The following PLCB4 variants were observed in gnomAD, a reference collection of about 807,000 sequenced individuals.
PLCB4 encodes the protein 1-phosphatidylinositol 4,5-bisphosphate phosphodiesterase beta-4.
In PLCB4, 77 loss-of-function variants were observed where a neutral mutation model predicts 178.8. The ratio of observed to expected loss-of-function variants is 0.43; its 90% CI spans 0.36 to 0.52. The LOEUF (loss-of-function observed/expected upper bound fraction) is 0.52. PLCB4 is among the 20% of genes least tolerant of loss of function. PLCB4 has a pLI of 0.00. For synonymous variants in PLCB4, 496 were observed against 490.8 expected, an observed-to-expected ratio of 1.01 and a Z score of -0.14; for missense variants, 1,024 against 1,453.4, an observed-to-expected ratio of 0.70 and a Z score of 4.80.
At chr20:9,353,857 T>G (rs796804613) in intron 7 of PLCB4, among the ~76,000 whole-genome samples, 32 of 152,346 alleles carry the variant, frequency 2.1e-4, no homozygotes, top group African/African-American at 7.2e-4. Context: ...GAAGTAGACC[T>G]CTGTCTGGTT....
At chr20:9,384,562 A>C in intron 14 of PLCB4, 151 bp downstream of exon 14, 1 of 629,114 alleles carries the variant, frequency 1.6e-6, no homozygotes. Context: ...AACGTTGAGA[A>C]AAGAAGGACA....
In PLCB4 at chr20:9,408,009, G is replaced by A. The variant is rs1414322616; in HGVS notation, c.1740G>A (p.Met580Ile). ...TTNIHPYLST[M>I]INYAQPVKFQ... is the part of the protein sequence containing the mutation. ...ATATCCATCCATATTTGTCCACAAT[G>A]ATCAACTACGCCCAGCCTGTAAAGT... Residue 580 changes from methionine to isoleucine, a missense_variant, in exon 22 of 40, where the codon ATG becomes ATA. Around this residue, in one of 7 missense-constraint regions of PLCB4, gnomAD observed 263 missense variants for 417.4 expected, o/e 0.63. Transcript: ENST00000378473. 1.2e-6 allele frequency: 2 copies of A among 1,613,666 alleles called. No individual in the cohort carries two copies. The highest frequency in any genetic ancestry group is 1.7e-5 in the Admixed American group (1 of 60,000).
intron 7 of PLCB4, among the ~76,000 whole-genome samples, chr20:9,345,630 C>T (rs561249409): frequency 3.3e-5 from 5 of 152,256 alleles, no homozygotes; most frequent in African/African-American, 9.6e-5. Context: ...GTTATTATGA[C>T]GTTCAAAATG....
chr20:9,120,460 CCTTT>C (rs3035834), intron 2 of PLCB4, among the ~76,000 whole-genome samples: 93,649 of 151,446 alleles, frequency 0.62, 29,951 homozygotes, highest in Middle Eastern at 0.77. Flanking sequence ...CTCTCTTCTT[CCTTT>C]CTCTCTCTTA....
At chr20:9,336,120 G>T (rs529305361) in intron 4 of PLCB4, among the ~76,000 whole-genome samples, 1 of 151,836 alleles carries the variant, frequency 6.6e-6, no homozygotes, top group Admixed American at 6.6e-5. Flanking sequence ...TTGCCAGACA[G>T]GTTCCTAATT....
At chr20:9,206,299 CT>C (rs71184138) in intron 2 of PLCB4, among the ~76,000 whole-genome samples, 38,161 of 95,992 alleles carry the variant, frequency 0.4, 5,041 homozygotes, top group South Asian at 0.48. Context: ...TTTCTTTTTT[CT>C]TTTTTTTTTT....
intron 1 of PLCB4, among the ~76,000 whole-genome samples, chr20:9,074,545 C>T (rs1445740220): frequency 6.6e-6 from 1 of 152,062 alleles, no homozygotes; most frequent in Admixed American, 6.6e-5. Flanking sequence ...TGAGAAAATT[C>T]CTATAAAATT....
At chr20:9,429,793 C>G (rs1232184903) in intron 28 of PLCB4, among the ~76,000 whole-genome samples, 1 of 152,166 alleles carries the variant, frequency 6.6e-6, no homozygotes, top group Non-Finnish European at 1.5e-5. Flanking sequence ...TTAAAGATGC[C>G]AAGGCAGGCC....
chr20:9,446,394 A>G (rs1020339408), intron 32 of PLCB4, among the ~76,000 whole-genome samples: 1 of 152,206 alleles, frequency 6.6e-6, no homozygotes, highest in Non-Finnish European at 1.5e-5. Context: ...AACTTTGGGC[A>G]GTGTTGATAT....
At position 9,111,790 on chromosome 20, in the gene PLCB4, C is replaced by T. The variant is rs145562759; in HGVS notation, c.-79+15448C>T. Among the ~76,000 whole-genome samples the T allele has an allele frequency of 5.2e-3, 792 of 152,212 alleles. 10 individuals carry two copies. Among genetic ancestry groups the T allele is most frequent in the Admixed American group, 0.036 (545 of 15,288 alleles). On this transcript the variant is annotated intron_variant, in intron 2 of 39. Transcript: ENST00000378473. Reference sequence around the variant, plus strand: ...AAAATAGCCTCTTTGAGACGAATGGCCTGCTCCAAGTAACTCTCATAAAAC... The same window carrying T: ...AAAATAGCCTCTTTGAGACGAATGGTCTGCTCCAAGTAACTCTCATAAAAC...
chr20:9,388,079 A>G (rs1360994068), intron 15 of PLCB4, among the ~76,000 whole-genome samples: 3 of 152,148 alleles, frequency 2.0e-5, no homozygotes, highest in Admixed American at 2.0e-4. Context: ...TCTCTACCAA[A>G]AATGCAAAAT....
chr20:9,074,464 A>G (rs2089732841), intron 1 of PLCB4, among the ~76,000 whole-genome samples: 1 of 152,204 alleles, frequency 6.6e-6, no homozygotes, highest in African/African-American at 2.4e-5. Flanking sequence ...TGGTACTACT[A>G]GTATTATGGC....
chr20:9,393,677 A>C lies in PLCB4; in HGVS notation c.1413A>C (p.Lys471Asn), dbSNP rs759625352. The stretch of plus-strand genomic sequence containing the variant: ...AGCGGCTGAAACCTGAAGTTGAAAA[A>C]AGTAAGTGAAACACACACATTTATA... ...KNKRLKPEVE[K>N]KQLEALRSMM... The change falls in exon 18 of 40, where the codon AAA becomes AAC. Residue 471 changes from lysine (K) to asparagine (N), a missense_variant and splice_region_variant. By Grantham distance (94) the Lys-to-Asn change is moderately conservative. Coordinates refer to ENST00000378473, the MANE Select transcript of PLCB4 (RefSeq NM_001377142.1). 6.9e-5 allele frequency: 110 copies of C among 1,582,974 alleles called. No individual in the cohort carries two copies. The highest frequency in any genetic ancestry group is 9.3e-5 in the Non-Finnish European group (107 of 1,151,970).
intron 29 of PLCB4, among the ~76,000 whole-genome samples, 163 bp downstream of exon 29, chr20:9,435,811 A>G (rs1436612004): frequency 6.6e-6 from 1 of 152,234 alleles, no homozygotes; most frequent in Non-Finnish European, 1.5e-5. Flanking sequence ...AAAGTGTGGC[A>G]TGTTTAATAA....
intron 7 of PLCB4, among the ~76,000 whole-genome samples, chr20:9,354,560 T>A (rs780513163): frequency 1.6e-4 from 24 of 152,212 alleles, no homozygotes; most frequent in Non-Finnish European, 1.2e-4. Context: ...AATGGGCACT[T>A]CCGGTAAATT....
chr20:9,310,119 TC>T (rs1179070314), intron 4 of PLCB4, among the ~76,000 whole-genome samples: 3 of 152,138 alleles, frequency 2.0e-5, no homozygotes, highest in African/African-American at 7.2e-5. Flanking sequence ...AATAATTATT[TC>T]CCACTCCTAT....
At chr20:9,092,582 A>G (rs967253838) in intron 1 of PLCB4, among the ~76,000 whole-genome samples, 1 of 152,154 alleles carries the variant, frequency 6.6e-6, no homozygotes, top group Non-Finnish European at 1.5e-5. Context: ...ATATATTAGA[A>G]TATTTTTGGC....
At chr20:9,242,643 T>A (rs1433149948) in intron 3 of PLCB4, among the ~76,000 whole-genome samples, 1 of 152,250 alleles carries the variant, frequency 6.6e-6, no homozygotes, top group Non-Finnish European at 1.5e-5. Context: ...TCTCTTGGCT[T>A]AGGCTGTTTA....
At chr20:9,271,916 C>A (rs1261729600) in intron 3 of PLCB4, among the ~76,000 whole-genome samples, 2 of 151,812 alleles carry the variant, frequency 1.3e-5, no homozygotes, top group Non-Finnish European at 2.9e-5. Context: ...GGGGCTCACA[C>A]CTATAATCTG....
Sources: allele counts gnomAD v4.1 joint callset (sites outside exome capture counted in the v4.1 genomes callset), GRCh38; gene constraint gnomAD v4.1.1; regional missense constraint gnomAD v4.1.1; transcripts MANE v1.5; gene names NCBI Gene and HGNC (gene_info 2026-07-23, HGNC 2026-07-21).